The following SPTBN1 variants were observed in gnomAD, a reference collection of about 807,000 sequenced individuals.
SPTBN1 encodes spectrin beta chain, non-erythrocytic 1.
A neutral mutation model predicts 266.4 loss-of-function variants in SPTBN1; 32 were observed. The observed-to-expected ratio is 0.12, with a 90% CI of 0.09 to 0.16. The LOEUF (loss-of-function observed/expected upper bound fraction) is 0.16. Among genes scored for constraint, SPTBN1 ranks in the 10% least tolerant of loss-of-function variants. The pLI is 1.00. For synonymous variants in SPTBN1, 1,336 were observed against 1,162.2 expected (o/e 1.15, Z -3.04); for missense variants, 2,296 against 3,067.1 (o/e 0.75, Z 5.94).
chr2:54,468,047 G>A (rs1573209432), intron 1 of SPTBN1, among the ~76,000 whole-genome samples: 2 of 152,180 alleles, frequency 1.3e-5, no homozygotes, highest in Non-Finnish European at 2.9e-5. Flanking sequence ...GGTGGCTCAC[G>A]CCTCTAATGC....
intron 23 of SPTBN1, 46 bp from the exon 24 acceptor site, chr2:54,647,085 G>T: frequency 6.2e-7 from 1 of 1,613,540 alleles, no homozygotes. Flanking sequence ...TAAGGGGTAG[G>T]GCCAGAGGGG....
At chr2:54,525,244 C>T (rs748516825) in intron 1 of SPTBN1, among the ~76,000 whole-genome samples, 1 of 152,046 alleles carries the variant, frequency 6.6e-6, no homozygotes, top group African/African-American at 2.4e-5. Flanking sequence ...CATACACTTA[C>T]ATCTTAATTT....
At chr2:54,490,858 A>G (rs574509998) in intron 1 of SPTBN1, among the ~76,000 whole-genome samples, 2 of 152,298 alleles carry the variant, frequency 1.3e-5, no homozygotes, top group South Asian at 4.1e-4. Flanking sequence ...GAGAGAAAAC[A>G]GTGTGTTTTG....
chr2:54,659,277 G>C lies in SPTBN1; in HGVS notation c.6356+11G>C. The stretch of plus-strand genomic sequence containing the variant: ...GTCCCAGCAGCAGTGGTGAGTCCCA[G>C]CAGCTCCAGAGGCTGGACCCTTAGC... On this transcript the variant is annotated intron_variant, in intron 31 of 35. Transcript: ENST00000356805. 1 of 1,613,828 alleles carries C rather than the reference G, an allele frequency of 6.2e-7. No homozygotes were observed. The highest frequency in any genetic ancestry group is 8.5e-7 in the Non-Finnish European group (1 of 1,179,820).
chr2:54,533,229 G>A lies in SPTBN1; in HGVS notation c.148+6663G>A, dbSNP rs1445556299. Among the ~76,000 whole-genome samples, 1 of 151,998 alleles carries A rather than the reference G, an allele frequency of 6.6e-6. No individual in the cohort carries two copies. The highest frequency in any genetic ancestry group is 1.5e-5 in the Non-Finnish European group (1 of 67,992). On this transcript the variant is annotated intron_variant, in intron 2 of 35. Coordinates refer to ENST00000356805, the MANE Select transcript of SPTBN1 (RefSeq NM_003128.3). The surrounding 1 kb of genome is among the most constrained non-coding windows in gnomAD (Gnocchi z 4.2). ...AAGATTTCATCACAGTGCTCAGGATGGCATGCAATTTAAAACGTATGAATT... is the reference window on the plus strand; with the variant it reads ...AAGATTTCATCACAGTGCTCAGGATAGCATGCAATTTAAAACGTATGAATT...
rs1558450133 is a variant in SPTBN1 at position 54,632,707 on chromosome 2, G to A, written c.3706G>A (p.Val1236Met). The change falls in exon 17 of 36, where the codon GTG (valine) becomes ATG (methionine). Residue 1236 changes from valine (V) to methionine (M), a missense_variant. Coordinates refer to ENST00000356805, the MANE Select transcript of SPTBN1 (RefSeq NM_003128.3). ...NAVVETGRRL[V>M]SDGNINSDRI... ...TGTGGTGGAGACTGGCCGGAGGCTG[G>A]TGAGCGATGGGAACATCAACTCAGA... 2 of 1,614,224 alleles carry A rather than the reference G, an allele frequency of 1.2e-6. No individual in the cohort carries two copies. Among genetic ancestry groups the A allele is most frequent in the Non-Finnish European group, 8.5e-7 (1 of 1,180,040 alleles).
chr2:54,543,131 A>C (rs536664453), intron 2 of SPTBN1, among the ~76,000 whole-genome samples: 17 of 152,302 alleles, frequency 1.1e-4, no homozygotes, highest in Admixed American at 2.0e-4. Flanking sequence ...TGAGGAAGGA[A>C]GGATGGCTTC....
intron 2 of SPTBN1, among the ~76,000 whole-genome samples, chr2:54,567,548 G>A (rs1673747638): frequency 6.6e-6 from 1 of 151,856 alleles, no homozygotes; most frequent in African/African-American, 2.4e-5. Flanking sequence ...TTTTAAATCT[G>A]GATTTTTAAT....
chr2:54,582,950 G>A (rs1256341316), intron 2 of SPTBN1, among the ~76,000 whole-genome samples: 4 of 152,190 alleles, frequency 2.6e-5, no homozygotes, highest in African/African-American at 9.7e-5. Context: ...TGAGAATTGA[G>A]TTTTAATGAA....
chr2:54,501,123 A>G (rs1475378484), intron 1 of SPTBN1, among the ~76,000 whole-genome samples: 2 of 152,140 alleles, frequency 1.3e-5, no homozygotes, highest in Non-Finnish European at 2.9e-5. Flanking sequence ...TGTCCTGTCA[A>G]CAGTCAGGCT....
chr2:54,615,313 G>A (rs72618663), intron 4 of SPTBN1, among the ~76,000 whole-genome samples: 1 of 151,958 alleles, frequency 6.6e-6, no homozygotes, highest in African/African-American at 2.4e-5. Flanking sequence ...ACAGAGCAGC[G>A]AAGCTTAAAA....
At chr2:54,586,530 G>T (rs976539826) in intron 2 of SPTBN1, among the ~76,000 whole-genome samples, 3 of 152,060 alleles carry the variant, frequency 2.0e-5, no homozygotes, top group African/African-American at 7.2e-5. Context: ...TATACATTCT[G>T]TATAGTCTGA....
intron 1 of SPTBN1, among the ~76,000 whole-genome samples, chr2:54,480,872 T>C (rs1238732309): frequency 6.6e-6 from 1 of 152,356 alleles, no homozygotes; most frequent in Non-Finnish European, 1.5e-5. Flanking sequence ...AGGTGACTTA[T>C]TGAAGCCCTG....
At chr2:54,544,132 C>T (rs1409618521) in intron 2 of SPTBN1, among the ~76,000 whole-genome samples, 2 of 152,008 alleles carry the variant, frequency 1.3e-5, no homozygotes, top group Non-Finnish European at 2.9e-5. Flanking sequence ...GCATTATATC[C>T]CGTGTTACAG....
chr2:54,574,663 T>A (rs2104538895), intron 2 of SPTBN1, among the ~76,000 whole-genome samples: 1 of 152,326 alleles, frequency 6.6e-6, no homozygotes, highest in African/African-American at 2.4e-5. Context: ...CATGCTCATG[T>A]CAGGCACGTG....
chr2:54,622,307 A>G lies in SPTBN1; in HGVS notation c.884A>G (p.Asp295Gly). The G allele has an allele frequency of 6.2e-7, 1 of 1,614,044 alleles. No individual in the cohort carries two copies. The highest frequency in any genetic ancestry group is 8.5e-7 in the Non-Finnish European group (1 of 1,179,956). The change falls in exon 9 of 36, where the codon GAC (aspartate) becomes GGC (glycine). Residue 295 changes from aspartate to glycine, a missense_variant. Physicochemically the swap from Asp to Gly is moderately conservative, Grantham distance 94. Transcript: ENST00000356805. ...VEGKRIGKVL[D>G]NAIETEKMIE... ...TCTATCCCTTGTTGCCAGGTGCTTG[A>G]CAATGCTATTGAAACAGAAAAAATG...
intron 18 of SPTBN1, among the ~76,000 whole-genome samples, chr2:54,640,414 C>T (rs1679448573): frequency 6.6e-6 from 1 of 152,154 alleles, no homozygotes; most frequent in African/African-American, 2.4e-5. Flanking sequence ...CCCCCATAAA[C>T]ACCACCTAGA....
At chr2:54,460,481 T>C (rs1693304839) in intron 1 of SPTBN1, among the ~76,000 whole-genome samples, 1 of 152,204 alleles carries the variant, frequency 6.6e-6, no homozygotes, top group Non-Finnish European at 1.5e-5. Context: ...AACAGTCTTT[T>C]TCCCCTCTGG....
Position 54,667,519 on chromosome 2 carries a change from T to G in SPTBN1, c.6834-85T>G, listed in dbSNP as rs1681444865. On this transcript the variant is annotated intron_variant, in intron 34 of 35. Coordinates refer to ENST00000356805, the MANE Select transcript of SPTBN1 (RefSeq NM_003128.3). ...TCTGTTGTGACTCCTGTGGTCTACT[T>G]CTGTCCTGCATGGGATATGGGAGTT... 4 of 1,343,808 alleles carry G rather than the reference T, an allele frequency of 3.0e-6. No individual in the cohort carries two copies. The East Asian group carries it at 9.3e-5, about 31-fold the overall frequency. 83.2% of individuals were successfully genotyped at this position (1,343,808 alleles called of 1,614,324 possible). A position where few individuals can be genotyped will look rare whatever the true frequency, so the allele number is the denominator to read the frequency against.
Sources: allele counts gnomAD v4.1 joint callset (sites outside exome capture counted in the v4.1 genomes callset), GRCh38; gene constraint gnomAD v4.1.1; non-coding constraint Gnocchi (gnomAD v3.1); transcripts MANE v1.5; gene names NCBI Gene and HGNC (gene_info 2026-07-23, HGNC 2026-07-21).